Variants in EP400 observed in about 807,000 individuals in gnomAD.
EP400 encodes the protein E1A binding protein p400, also known as E1A-binding protein p400.
EP400 carries 105 observed loss-of-function variants against 354.1 expected under a neutral mutation model. The ratio of observed to expected loss-of-function variants is 0.30; its 90% confidence interval spans 0.25 to 0.35. EP400 has a LOEUF of 0.35. EP400 is among the 10% of genes least tolerant of loss of function. The pLI is 1.00. For missense variants in EP400, 3,280 were observed against 4,121.0 expected (o/e 0.80, Z 5.59); for synonymous variants, 1,646 against 1,716.9 (o/e 0.96, Z 1.02).
intron 29 of EP400, among the ~76,000 whole-genome samples, chr12:132,030,757 A>G (rs2136556664): frequency 6.6e-6 from 1 of 152,360 alleles, no homozygotes; most frequent in South Asian, 2.1e-4. Context: ...GGTAATTCAC[A>G]GTTGAGAACA....
chr12:132,031,202 C>T, intron 29 of EP400: 2 of 518,520 alleles, frequency 3.9e-6, no homozygotes, highest in Non-Finnish European at 7.7e-6. Context: ...GAGGACTATC[C>T]TTCACGGTTT....
intron 48 of EP400, 137 bp from the exon 49 acceptor site, chr12:132,066,636 TC>T: frequency 1.1e-6 from 1 of 903,726 alleles, no homozygotes; most frequent in Middle Eastern, 2.6e-4. Context: ...CTCTCAGTTT[TC>T]CTTTCCTGTT....
Position 132,045,443 on chromosome 12 carries a change from TCTG to T in EP400, c.6913_6915del (p.Leu2305del). The T allele has an allele frequency of 6.2e-7, 1 of 1,614,250 alleles. No homozygotes were observed. Among genetic ancestry groups the T allele is most frequent in the East Asian group, 2.2e-5 (1 of 44,890 alleles). ...AGGGCAAGGAGCAGAAGAAGAATAT[TCTG>T]CTGAAGCAGCAGGTGCCATTCGCCA... On this transcript the variant is annotated inframe_deletion, in exon 38 of 53. Transcript: ENST00000389561.
At chr12:132,062,363 T>G in intron 46 of EP400, 40 bp downstream of exon 46, 4 of 1,612,124 alleles carry the variant, frequency 2.5e-6, no homozygotes, top group Non-Finnish European at 3.4e-6. Context: ...ACACGTCTGC[T>G]CTGGCGCGTG....
intron 12 of EP400, among the ~76,000 whole-genome samples, chr12:131,999,649 G>T (rs1294695935): frequency 6.6e-6 from 1 of 152,046 alleles, no homozygotes; most frequent in Non-Finnish European, 1.5e-5. Context: ...GTGTTGCCCA[G>T]GCTGGTCTCC....
rs1360367489 is a variant in EP400, at chr12:132,025,947, T to C, written c.5014+143T>C. 3 of 979,580 alleles carry C rather than the reference T, an allele frequency of 3.1e-6. No individual in the cohort carries two copies. Among genetic ancestry groups the C allele is most frequent in the Non-Finnish European group, 4.1e-6 (3 of 726,620 alleles). The allele number at this position is 979,580 out of a possible 1,614,324, so 60.7% of individuals were successfully genotyped here. A position where few individuals can be genotyped will look rare whatever the true frequency, so the allele number is the denominator to read the frequency against. Reference sequence around the variant, plus strand: ...TGTGGCCATCTCTGATTTCTATAGATGTGTCCTAGTGTCAGCCTGATTTAT... The same window carrying C: ...TGTGGCCATCTCTGATTTCTATAGACGTGTCCTAGTGTCAGCCTGATTTAT... On this transcript the variant is annotated intron_variant, in intron 25 of 52. Coordinates refer to ENST00000389561, the MANE Select transcript of EP400 (RefSeq NM_015409.5). The surrounding 1 kb of genome is among the most constrained non-coding windows in gnomAD (Gnocchi z 4.1).
At chr12:132,065,003 T>C (rs1895843420) in intron 48 of EP400, 117 bp downstream of exon 48, 1 of 1,459,542 alleles carries the variant, frequency 6.9e-7, no homozygotes, top group Admixed American at 2.4e-5. Flanking sequence ...AGACGGGTTC[T>C]TTTCCCCGAG....
intron 23 of EP400, 145 bp downstream of exon 23, chr12:132,021,466 A>G: frequency 1.6e-6 from 2 of 1,246,688 alleles, no homozygotes; most frequent in South Asian, 1.6e-5. Flanking sequence ...TCACCAGTGC[A>G]GCTGCCTCCG....
In EP400 at chr12:132,047,267, A is replaced by G. The variant is rs535733861; in HGVS notation, c.7200+1367A>G. 1.2e-3 allele frequency among the ~76,000 whole-genome samples: 177 copies of G among 152,302 alleles called. 1 individual carries two copies. Among genetic ancestry groups the G allele is most frequent in the African/African-American group, 4.0e-3 (167 of 41,566 alleles). On this transcript the variant is annotated intron_variant, in intron 39 of 52. Transcript: ENST00000389561. ...CCAATAAGACTTCCTGGAATCTTGC[A>G]TTAATTAGGTTTTCTGTGTTTTGGA...
chr12:131,976,045 ATTTT>A (rs987637092), intron 2 of EP400, among the ~76,000 whole-genome samples: 2 of 151,384 alleles, frequency 1.3e-5, no homozygotes, highest in Non-Finnish European at 2.9e-5. Context: ...TATCCAATGA[ATTTT>A]TTTTTATTTC....
Position 131,986,613 on chromosome 12 carries a change from G to C in EP400, c.2029G>C (p.Gly677Arg). The C allele has an allele frequency of 6.2e-7, 1 of 1,613,880 alleles. No homozygotes were observed. The highest frequency in any genetic ancestry group is 8.5e-7 in the Non-Finnish European group (1 of 1,180,002). The change falls in exon 6 of 53, where the codon GGC (glycine) becomes CGC (arginine). Residue 677 changes from glycine (G) to arginine (R), a missense_variant. By Grantham distance (125) the Gly-to-Arg change is moderately radical. Around this residue, in one of 20 missense-constraint regions of EP400, gnomAD observed 800 missense variants for 840.0 expected, o/e 0.95. Coordinates refer to ENST00000389561, the MANE Select transcript of EP400 (RefSeq NM_015409.5). ...TSSLAPVSGS[G>R]PGPSPARSSP... ...GTCCCTCGCGCCTGTGAGTGGCTCCGGCCCAGGACCCTCCCCTGCTCGATC... is the reference window on the plus strand; with the variant it reads ...GTCCCTCGCGCCTGTGAGTGGCTCCCGCCCAGGACCCTCCCCTGCTCGATC...
At chr12:132,033,174 C>T (rs955557921) in intron 30 of EP400, among the ~76,000 whole-genome samples, 16 of 150,422 alleles carry the variant, frequency 1.1e-4, no homozygotes, top group African/African-American at 3.4e-4. Context: ...TCTTGGAACT[C>T]CCGACCTCAG....
Position 132,025,770 on chromosome 12 carries a change from C to T in EP400, c.4980C>T (p.Ala1660=), listed in dbSNP as rs774653390. The T allele has an allele frequency of 8.1e-6, 13 of 1,611,508 alleles. No individual in the cohort carries two copies. The highest frequency in any genetic ancestry group is 3.3e-5 in the South Asian group (3 of 90,806). Residue 1660 remains alanine (A), a synonymous_variant, in exon 25 of 53, where the codon GCC becomes GCT. Coordinates refer to ENST00000389561, the MANE Select transcript of EP400 (RefSeq NM_015409.5). This position sits in a 1 kb window ranked among gnomAD's most constrained non-coding sequence, Gnocchi z 4.1. ...GCGCCCTGGGAAGCAAGCCCCCGGC[C>T]GGCGGTCCCAGCCCTGCACCCTTGA... is the stretch of plus-strand genomic sequence containing the variant. ...VHGALGSKPP[A]GGPSPAPLTP... is the part of the protein sequence containing the mutation.
chr12:132,032,626 T>G (rs1005368152), intron 30 of EP400, among the ~76,000 whole-genome samples: 10 of 152,020 alleles, frequency 6.6e-5, no homozygotes, highest in East Asian at 3.9e-4. Flanking sequence ...GAATTAGTTT[T>G]TTTTTTTTTT....
At chr12:131,982,005 G>C in intron 4 of EP400, 88 bp from the exon 5 acceptor site, 2 of 1,461,022 alleles carry the variant, frequency 1.4e-6, no homozygotes. Flanking sequence ...GACAAGCACT[G>C]GGGTGTTAGA....
Position 131,987,864 on chromosome 12 carries a change from A to T in EP400, c.2383A>T (p.Arg795Trp). ...WMATDFAQER[R>W]WKVAAAKKLV... ...GGCCACAGACTTTGCCCAGGAGAGGAGGTGGAAGGTGGCTGCTGCGAAGAA... is the reference window on the plus strand; with the variant it reads ...GGCCACAGACTTTGCCCAGGAGAGGTGGTGGAAGGTGGCTGCTGCGAAGAA... The change falls in exon 7 of 53, where the codon AGG becomes TGG. Residue 795 changes from arginine (R) to tryptophan (W), a missense_variant. By Grantham distance (101) the Arg-to-Trp change is moderately radical. This residue lies in a region of EP400 where 800 missense variants were observed against 840.0 expected (regional missense o/e 0.95). Coordinates refer to ENST00000389561, the MANE Select transcript of EP400 (RefSeq NM_015409.5). 1 of 1,605,312 alleles carries T rather than the reference A, an allele frequency of 6.2e-7. No homozygotes were observed.
At chr12:131,995,066 A>G in intron 12 of EP400, 110 bp downstream of exon 12, 1 of 1,048,862 alleles carries the variant, frequency 9.5e-7, no homozygotes, top group African/African-American at 1.6e-5. Context: ...TGCCTGTTTT[A>G]TGGAAAACAG....
chr12:132,024,119 G>A (rs934943121), intron 24 of EP400, among the ~76,000 whole-genome samples, 178 bp downstream of exon 24: 1 of 152,224 alleles, frequency 6.6e-6, no homozygotes, highest in Non-Finnish European at 1.5e-5. Context: ...ATCAGCCACC[G>A]GGTTGCCTGC....
At position 132,050,742 on chromosome 12, in the gene EP400, T is replaced by C. The variant is rs960970441; in HGVS notation, c.7394+87T>C. ...AAGTTCAGTGAGTTCAGCAAATCGT[T>C]GTGCACTTAGCGTGTTCAGGCATCA... On this transcript the variant is annotated intron_variant, in intron 41 of 52. Coordinates refer to ENST00000389561, the MANE Select transcript of EP400 (RefSeq NM_015409.5). The surrounding 1 kb of genome is among the most constrained non-coding windows in gnomAD (Gnocchi z 4.8). 2 of 1,539,722 alleles carry C rather than the reference T, an allele frequency of 1.3e-6. No individual in the cohort carries two copies. The highest frequency in any genetic ancestry group is 9.0e-7 in the Non-Finnish European group (1 of 1,115,000).
Sources: gnomAD v4.1 joint callset for allele counts (sites outside exome capture counted in the v4.1 genomes callset) on GRCh38, gnomAD v4.1.1 for gene constraint, gnomAD v4.1.1 regional missense constraint, Gnocchi (gnomAD v3.1) non-coding constraint, MANE v1.5 for transcripts, NCBI Gene and HGNC (gene_info 2026-07-23, HGNC 2026-07-21) for gene names.